ZC4H2: variants seen among roughly 807,000 people sequenced by gnomAD.
The protein encoded by ZC4H2 is zinc finger C4H2 domain-containing protein.
For missense variants in ZC4H2, 137 were observed against 173.9 expected, an observed-to-expected ratio of 0.79 and a Z score of 1.19; for synonymous variants, 84 against 66.3, an observed-to-expected ratio of 1.27 and a Z score of -1.30.
At chrX:64,919,267 A>G (rs1000131825) in intron 3 of ZC4H2, 63 bp from the exon 4 acceptor site, 43 of 1,155,241 alleles carry the variant, frequency 3.7e-5, no homozygotes, top group Non-Finnish European at 4.8e-5. Context: ...GCTCCTCTTA[A>G]AGACTCCATG....
At chrX:64,930,627 T>C (rs996632691) in intron 1 of ZC4H2, among the ~76,000 whole-genome samples, 3 of 112,285 alleles carry the variant, frequency 2.7e-5, no homozygotes, top group Non-Finnish European at 3.8e-5. Context: ...GCTAATCATA[T>C]GATTTTTTAT....
rs1157374836 is a variant in ZC4H2, at chrX:65,000,218, C to T, written c.-272+34411G>A. 5.4e-5 allele frequency among the ~76,000 whole-genome samples: 6 copies of T among 111,840 alleles called. No homozygotes were observed. The East Asian group carries it at 1.7e-3, about 32-fold the overall frequency. ...CTCCGGCTGGCATCTGGTGGGTGCC[C>T]CTCTAGGAAGAAGCTTCCAGAGGAA... On this transcript the variant is annotated intron_variant, in intron 1 of 4. Coordinates refer to the ZC4H2 transcript ENST00000337990.
intron 1 of ZC4H2, among the ~76,000 whole-genome samples, chrX:65,033,295 A>G (rs929100407): frequency 7.1e-5 from 8 of 112,446 alleles, no homozygotes; most frequent in African/African-American, 2.6e-4. Context: ...AGAATATCAC[A>G]CAAGTTTGTA....
At chrX:64,929,538 T>C (rs1341466448) in intron 1 of ZC4H2, among the ~76,000 whole-genome samples, 1 of 111,565 alleles carries the variant, frequency 9.0e-6, no homozygotes, top group Non-Finnish European at 1.9e-5. Context: ...GAGTTAATTT[T>C]TGTATAAGGT....
At chrX:64,958,418 T>A (rs747371186) in intron 1 of ZC4H2, among the ~76,000 whole-genome samples, 8 of 112,044 alleles carry the variant, frequency 7.1e-5, no homozygotes, top group Non-Finnish European at 1.3e-4. Flanking sequence ...TGTATATATG[T>A]ACATATATGT....
intron 1 of ZC4H2, among the ~76,000 whole-genome samples, chrX:65,025,003 T>G (rs1254360301): frequency 9.0e-6 from 1 of 111,288 alleles, no homozygotes; most frequent in Non-Finnish European, 1.9e-5. Context: ...TCCCCGTATT[T>G]AAAATAAAAG....
intron 1 of ZC4H2, among the ~76,000 whole-genome samples, chrX:64,927,114 C>T (rs1929458982): frequency 9.0e-6 from 1 of 110,867 alleles, no homozygotes; most frequent in Non-Finnish European, 1.9e-5. Context: ...TTTAAAAGTC[C>T]AATTTATCAA....
intron 2 of ZC4H2, 132 bp downstream of exon 2, chrX:64,921,685 C>T: frequency 1.4e-6 from 1 of 695,081 alleles, no homozygotes; most frequent in South Asian, 3.2e-5. Context: ...CTGAATTCTT[C>T]TGCTCTACCA....
At chrX:65,017,118 C>A (rs1216636190) in intron 1 of ZC4H2, among the ~76,000 whole-genome samples, 1 of 111,428 alleles carries the variant, frequency 9.0e-6, no homozygotes, top group Non-Finnish European at 1.9e-5. Flanking sequence ...ATCGGGACTC[C>A]TCTCCCCTTA....
chrX:64,989,966 G>A (rs1219772041), intron 1 of ZC4H2, among the ~76,000 whole-genome samples: 1 of 112,020 alleles, frequency 8.9e-6, no homozygotes, highest in African/African-American at 3.2e-5. Flanking sequence ...ACAATGGTTT[G>A]TCAGTTTTGT....
At chrX:64,997,606 A>G (rs1238700199) in intron 1 of ZC4H2, among the ~76,000 whole-genome samples, 1 of 112,612 alleles carries the variant, frequency 8.9e-6, no homozygotes, top group Non-Finnish European at 1.9e-5. Context: ...GCAAAGATAT[A>G]TAGTGGCATT....
At chrX:65,024,564 A>AAAAC (rs770636078) in intron 1 of ZC4H2, among the ~76,000 whole-genome samples, 12 of 112,089 alleles carry the variant, frequency 1.1e-4, no homozygotes, top group African/African-American at 3.2e-4. Context: ...TTATATGAAA[A>AAAAC]AAACAAACAA....
At chrX:64,967,011 A>G (rs1279745463) in intron 1 of ZC4H2, among the ~76,000 whole-genome samples, 3 of 110,950 alleles carry the variant, frequency 2.7e-5, no homozygotes, top group Non-Finnish European at 3.8e-5. Context: ...TAAACCTACA[A>G]CTCCCACTAA....
chrX:65,032,504 C>T (rs1249348399), intron 1 of ZC4H2, among the ~76,000 whole-genome samples: 1 of 111,706 alleles, frequency 9.0e-6, no homozygotes, highest in Non-Finnish European at 1.9e-5. Flanking sequence ...AAGCTCATTT[C>T]CACATTCATA....
At chrX:64,917,960 T>C in intron 4 of ZC4H2, 64 bp from the exon 5 acceptor site, 1 of 1,137,610 alleles carries the variant, frequency 8.8e-7, no homozygotes, top group Non-Finnish European at 1.2e-6. Flanking sequence ...AACTTAGACT[T>C]CTGATTCCCC....
intron 1 of ZC4H2, among the ~76,000 whole-genome samples, chrX:64,944,225 C>T (rs1930427336): frequency 9.5e-6 from 1 of 105,232 alleles, no homozygotes; most frequent in Non-Finnish European, 1.9e-5. Context: ...ACTGCAAGCG[C>T]TGCCTCTCAG....
chrX:64,975,402 C>G (rs1373488731), intron 1 of ZC4H2, among the ~76,000 whole-genome samples: 1 of 111,496 alleles, frequency 9.0e-6, no homozygotes, highest in East Asian at 2.8e-4. Context: ...AGTCTTATTT[C>G]TTAAAGAAAC....
Position 64,954,390 on chromosome X carries a change from T to TTATATG in ZC4H2, c.53+21934_53+21935insCATATA, listed in dbSNP as rs1555942081. ...TATATATAATTATATATATTTATAA[T>TTATATG]TATATATATATATGCTCAAAAATTG... On this transcript the variant is annotated intron_variant, in intron 1 of 4. Transcript: ENST00000374839. Among the ~76,000 whole-genome samples, 41 of 72,143 alleles carry TTATATG rather than the reference T, an allele frequency of 5.7e-4. 5 individuals carry two copies. The highest frequency in any genetic ancestry group is 5.8e-3 in the Middle Eastern group (1 of 172). 62.6% of individuals were successfully genotyped at this position (72,143 alleles called of 115,157 possible).
At chrX:65,024,647 G>A (rs776216692) in intron 1 of ZC4H2, among the ~76,000 whole-genome samples, 13 of 111,671 alleles carry the variant, frequency 1.2e-4, no homozygotes, top group Non-Finnish European at 1.7e-4. Context: ...ATCAATCCAG[G>A]TGCTCATTAA....
Sources: gnomAD v4.1 joint callset for allele counts (sites outside exome capture counted in the v4.1 genomes callset) on GRCh38, gnomAD v4.1.1 for gene constraint, MANE v1.5 for transcripts, NCBI Gene and HGNC (gene_info 2026-07-23, HGNC 2026-07-21) for gene names.